Variants in FAM227B observed in about 807,000 individuals in gnomAD.
The protein encoded by FAM227B is protein FAM227B.
FAM227B carries 88 observed loss-of-function variants against 73.8 expected under a neutral mutation model. That is an observed-to-expected ratio of 1.19 (90% CI 1.00 to 1.42). The LOEUF is 1.42. Ranked by LOEUF, FAM227B falls within the 40% of genes most tolerant of loss-of-function variation. The pLI is 0.00. For missense variants in FAM227B, 632 were observed against 590.9 expected, an observed-to-expected ratio of 1.07 and a Z score of -0.72; for synonymous variants, 210 against 190.5, an observed-to-expected ratio of 1.10 and a Z score of -0.84.
intron 5 of FAM227B, among the ~76,000 whole-genome samples, chr15:49,579,432 T>C (rs759468471): frequency 1.1e-4 from 17 of 152,122 alleles, no homozygotes; most frequent in Non-Finnish European, 2.2e-4. Flanking sequence ...TAAAATGTGG[T>C]GTATATACAC....
At chr15:49,513,881 G>A (rs930276204) in intron 10 of FAM227B, among the ~76,000 whole-genome samples, 3 of 152,058 alleles carry the variant, frequency 2.0e-5, no homozygotes, top group East Asian at 3.9e-4. Context: ...GTTTTTGTCA[G>A]GTTTGCCAAA....
chr15:49,462,173 GTGAGGATCTGGGATGACTTA>G (rs2053858457), intron 11 of FAM227B, among the ~76,000 whole-genome samples: 1 of 152,144 alleles, frequency 6.6e-6, no homozygotes, highest in African/African-American at 2.4e-5. Flanking sequence ...GGAGAAATGT[GTGAGGATCTGGGATGACTTA>G]GGAGGATCTG....
intron 10 of FAM227B, among the ~76,000 whole-genome samples, chr15:49,520,136 A>C (rs1169588880): frequency 6.6e-6 from 1 of 152,194 alleles, no homozygotes; most frequent in African/African-American, 2.4e-5. Context: ...AAAGAGTAGC[A>C]AGGAACACTT....
intron 11 of FAM227B, among the ~76,000 whole-genome samples, chr15:49,505,788 A>T (rs922912335): frequency 6.6e-6 from 1 of 152,076 alleles, no homozygotes; most frequent in Non-Finnish European, 1.5e-5. Flanking sequence ...AATAAGATTA[A>T]TCATATCAAT....
intron 11 of FAM227B, among the ~76,000 whole-genome samples, chr15:49,397,953 A>C (rs75406079): frequency 2.0e-5 from 3 of 152,194 alleles, no homozygotes; most frequent in Admixed American, 6.5e-5. Context: ...CCAGCAAAAT[A>C]ACCAGCTAAC....
At chr15:49,338,113 G>A (rs543748071) in intron 13 of FAM227B, among the ~76,000 whole-genome samples, 1 of 152,106 alleles carries the variant, frequency 6.6e-6, no homozygotes, top group South Asian at 2.1e-4. Context: ...TTAATTGGGG[G>A]CATTTAGCCC....
chr15:49,610,997 G>T (rs2077873840), intron 3 of FAM227B, among the ~76,000 whole-genome samples: 1 of 152,092 alleles, frequency 6.6e-6, no homozygotes, highest in Non-Finnish European at 1.5e-5. Context: ...TATAGGGCTA[G>T]AATTTTTTTA....
chr15:49,544,552 G>A (rs952855975), intron 9 of FAM227B, among the ~76,000 whole-genome samples: 2 of 152,130 alleles, frequency 1.3e-5, no homozygotes, highest in Non-Finnish European at 1.5e-5. Flanking sequence ...TTAAATAGAA[G>A]TGGTGAAAGT....
At chr15:49,360,513 T>A (rs1259416877) in intron 13 of FAM227B, among the ~76,000 whole-genome samples, 1 of 152,190 alleles carries the variant, frequency 6.6e-6, no homozygotes, top group Non-Finnish European at 1.5e-5. Flanking sequence ...AATTTTTGGG[T>A]ATTCTTTGGT....
At chr15:49,538,986 C>T (rs530651075) in intron 10 of FAM227B, among the ~76,000 whole-genome samples, 34 of 152,102 alleles carry the variant, frequency 2.2e-4, no homozygotes, top group Non-Finnish European at 1.8e-4. Context: ...ATTCTGTTGG[C>T]GGTATCATGT....
intron 12 of FAM227B, among the ~76,000 whole-genome samples, chr15:49,370,874 C>T (rs1461156480): frequency 6.6e-6 from 1 of 152,158 alleles, no homozygotes; most frequent in East Asian, 1.9e-4. Context: ...TCAAGAGTAA[C>T]AGTATCTACA....
rs563184262 is a variant in FAM227B, at chr15:49,346,743, T to C, written c.1272-11247A>G. Among the ~76,000 whole-genome samples, 8 of 152,270 alleles carry C rather than the reference T, an allele frequency of 5.3e-5. 1 individual carries two copies. The highest frequency in any genetic ancestry group is 1.9e-4 in the African/African-American group (8 of 41,562). On this transcript the variant is annotated intron_variant, in intron 13 of 15. Coordinates refer to ENST00000299338, the MANE Select transcript of FAM227B (RefSeq NM_152647.3). The stretch of plus-strand genomic sequence containing the variant: ...CCCATTATACACATAATGCTAATTG[T>C]ATAACAAGTAAAAGGAAGCTAGGCA...
chr15:49,608,872 T>G (rs960791601), intron 3 of FAM227B, among the ~76,000 whole-genome samples: 3 of 151,698 alleles, frequency 2.0e-5, no homozygotes, highest in Admixed American at 6.6e-5. Context: ...ATAAATAACA[T>G]GAAAAATCAA....
intron 11 of FAM227B, among the ~76,000 whole-genome samples, chr15:49,445,572 G>A (rs905603456): frequency 2.0e-5 from 3 of 151,074 alleles, no homozygotes; most frequent in African/African-American, 7.3e-5. Flanking sequence ...TCTAGATCAC[G>A]GACATACTAA....
intron 11 of FAM227B, among the ~76,000 whole-genome samples, chr15:49,502,379 T>C (rs1567419026): frequency 6.6e-6 from 1 of 152,240 alleles, no homozygotes. Context: ...AGGCCTTTGG[T>C]GCCCATCCTT....
chr15:49,526,543 G>A (rs1428810404), intron 10 of FAM227B, among the ~76,000 whole-genome samples: 1 of 151,922 alleles, frequency 6.6e-6, no homozygotes, highest in African/African-American at 2.4e-5. Flanking sequence ...AAATAACAAA[G>A]ATAAGAGCAG....
At chr15:49,513,119 T>A (rs759040983) in intron 10 of FAM227B, among the ~76,000 whole-genome samples, 1 of 152,150 alleles carries the variant, frequency 6.6e-6, no homozygotes, top group Non-Finnish European at 1.5e-5. Flanking sequence ...GGTATATATC[T>A]AGCAATGGAA....
Position 49,391,483 on chromosome 15 carries a change from C to A in FAM227B, c.1013-20084G>T, listed in dbSNP as rs535229135. On this transcript the variant is annotated intron_variant, in intron 11 of 15. Coordinates refer to ENST00000299338, the MANE Select transcript of FAM227B (RefSeq NM_152647.3). ...CTGAGTTGTTTTTCAGAAACCCAGA[C>A]CCCCATCAGATGGAAAAGGCCAACC... 2.6e-5 allele frequency among the ~76,000 whole-genome samples: 4 copies of A among 152,190 alleles called. No homozygotes were observed. In the South Asian group the frequency reaches 8.3e-4, roughly 32 times the overall value.
rs1005263664 is a variant in FAM227B at position 49,590,704 on chromosome 15, T to C, written c.106-697A>G. 2.0e-5 allele frequency among the ~76,000 whole-genome samples: 3 copies of C among 152,194 alleles called. 1 individual carries two copies. The highest frequency in any genetic ancestry group is 7.2e-5 in the African/African-American group (3 of 41,456). On this transcript the variant is annotated intron_variant, in intron 3 of 15. Transcript: ENST00000299338. Reference sequence around the variant, plus strand: ...TTGAGAACATTTAAGATCTACTCTATTAGCAATTTTCAAGTACACCATACA... The same window carrying C: ...TTGAGAACATTTAAGATCTACTCTACTAGCAATTTTCAAGTACACCATACA...
Sources: allele counts gnomAD v4.1 joint callset (sites outside exome capture counted in the v4.1 genomes callset), GRCh38; gene constraint gnomAD v4.1.1; transcripts MANE v1.5; gene names NCBI Gene and HGNC (gene_info 2026-07-23, HGNC 2026-07-21).